FHIT: variants seen among roughly 807,000 people sequenced by gnomAD.
FHIT encodes fragile histidine triad diadenosine triphosphatase.
A neutral mutation model predicts 17.9 loss-of-function variants in FHIT; 19 were observed. The observed-to-expected ratio is 1.06, with a 90% CI of 0.74 to 1.56. FHIT has a LOEUF of 1.56. Among genes scored for constraint, FHIT ranks in the 40% most tolerant of loss-of-function variants. FHIT has a pLI of 0.00. For synonymous variants in FHIT, 81 were observed against 69.7 expected (o/e 1.16, Z -0.81); for missense variants, 248 against 189.2 (o/e 1.31, Z -1.82).
At chr3:60,245,419 G>A (rs915716769) in intron 5 of FHIT, among the ~76,000 whole-genome samples, 2 of 151,668 alleles carry the variant, frequency 1.3e-5, no homozygotes, top group African/African-American at 2.4e-5. Flanking sequence ...TAAACTTCAG[G>A]GTTCAATATT....
intron 4 of FHIT, among the ~76,000 whole-genome samples, chr3:60,815,641 A>G (rs1701715213): frequency 1.3e-5 from 2 of 152,104 alleles, no homozygotes; most frequent in Non-Finnish European, 2.9e-5. Flanking sequence ...GTAGCCTTGT[A>G]GTATAGCTTG....
chr3:59,842,198 T>C (rs1360421071), intron 8 of FHIT, among the ~76,000 whole-genome samples: 1 of 152,206 alleles, frequency 6.6e-6, no homozygotes, highest in Non-Finnish European at 1.5e-5. Context: ...CTTAGCACAA[T>C]GTCCTCCAGA....
chr3:60,953,042 G>A (rs1553777700), intron 3 of FHIT, among the ~76,000 whole-genome samples: 3 of 152,150 alleles, frequency 2.0e-5, no homozygotes, highest in African/African-American at 4.8e-5. Flanking sequence ...CTAAAAGAGT[G>A]TACAATTTTG....
chr3:60,522,111 T>TTG (rs967630668), intron 5 of FHIT, among the ~76,000 whole-genome samples: 10 of 150,488 alleles, frequency 6.6e-5, no homozygotes, highest in East Asian at 2.0e-4. Context: ...CAGAAGTTTT[T>TTG]TTTTTTTTTT....
intron 4 of FHIT, among the ~76,000 whole-genome samples, chr3:60,644,605 C>A (rs2039810062): frequency 6.6e-6 from 1 of 152,164 alleles, no homozygotes; most frequent in Non-Finnish European, 1.5e-5. Flanking sequence ...ACTCTCCTTG[C>A]CCCTCTAAAT....
At chr3:60,967,014 G>A (rs1709779055) in intron 3 of FHIT, among the ~76,000 whole-genome samples, 1 of 152,070 alleles carries the variant, frequency 6.6e-6, no homozygotes, top group Non-Finnish European at 1.5e-5. Flanking sequence ...GTCAGTATGG[G>A]GATGTTTATG....
chr3:60,047,248 A>G lies in FHIT; in HGVS notation c.104-33096T>C, dbSNP rs796263695. Among the ~76,000 whole-genome samples, 3 of 152,342 alleles carry G rather than the reference A, an allele frequency of 2.0e-5. 1 individual carries two copies. Among genetic ancestry groups the G allele is most frequent in the African/African-American group, 7.2e-5 (3 of 41,588 alleles). ...GAAATTAAAGATATGATAGAATGCT[A>G]TCCACATTGTTATAATGCTGGTTCT... is the stretch of plus-strand genomic sequence containing the variant. On this transcript the variant is annotated intron_variant, in intron 5 of 9. Transcript: ENST00000492590.
At chr3:61,143,113 G>A (rs1211254594) in intron 2 of FHIT, among the ~76,000 whole-genome samples, 5 of 151,956 alleles carry the variant, frequency 3.3e-5, no homozygotes, top group Non-Finnish European at 4.4e-5. Context: ...CAAGTTTGAG[G>A]GAAAAGATAC....
intron 6 of FHIT, among the ~76,000 whole-genome samples, chr3:60,013,237 T>C (rs920668468): frequency 5.9e-5 from 9 of 152,192 alleles, no homozygotes; most frequent in Admixed American, 5.2e-4. Flanking sequence ...ATGGCAAACA[T>C]TCAGTTTAAC....
chr3:60,418,347 CA>C (rs1236452472), intron 5 of FHIT, among the ~76,000 whole-genome samples: 1 of 132,626 alleles, frequency 7.5e-6, no homozygotes, highest in Non-Finnish European at 1.6e-5. Flanking sequence ...AATACATATA[CA>C]AACCTATATA....
intron 5 of FHIT, among the ~76,000 whole-genome samples, chr3:60,409,420 G>T (rs995578969): frequency 1.1e-4 from 16 of 152,270 alleles, no homozygotes; most frequent in African/African-American, 3.1e-4. Flanking sequence ...GGCATCATTT[G>T]GTTTACCAGA....
At chr3:60,615,013 A>C (rs988616210) in intron 4 of FHIT, among the ~76,000 whole-genome samples, 1 of 151,918 alleles carries the variant, frequency 6.6e-6, no homozygotes, top group Admixed American at 6.6e-5. Flanking sequence ...TACTATTAGT[A>C]GAGACAGGGT....
intron 8 of FHIT, among the ~76,000 whole-genome samples, chr3:59,890,514 G>T (rs1014885666): frequency 6.6e-6 from 1 of 152,132 alleles, no homozygotes; most frequent in Non-Finnish European, 1.5e-5. Flanking sequence ...TGTTGGGGAA[G>T]TTCTGAAGTT....
intron 8 of FHIT, among the ~76,000 whole-genome samples, chr3:59,877,554 T>A (rs1703219338): frequency 6.6e-6 from 1 of 152,212 alleles, no homozygotes; most frequent in Admixed American, 6.5e-5. Context: ...GCCCTATGGT[T>A]CTTCAGAAAT....
rs192711248 is a variant in FHIT at position 60,047,147 on chromosome 3, A to G, written c.104-32995T>C. On this transcript the variant is annotated intron_variant, in intron 5 of 9. Transcript: ENST00000492590. ...CTGCCGTAATGTTCCACAAAACGTA[A>G]CAGTCGGTGCACAGCAATACTGCCC... 9.8e-5 allele frequency among the ~76,000 whole-genome samples: 15 copies of G among 152,352 alleles called. No homozygotes were observed. In the East Asian group the frequency reaches 2.5e-3, roughly 25 times the overall value.
chr3:61,116,812 A>G (rs2036312532), intron 2 of FHIT, among the ~76,000 whole-genome samples: 1 of 152,176 alleles, frequency 6.6e-6, no homozygotes, highest in Non-Finnish European at 1.5e-5. Flanking sequence ...CTGATGGCTT[A>G]TATTTGGTGA....
chr3:60,178,004 GA>G (rs1408197554), intron 5 of FHIT, among the ~76,000 whole-genome samples: 2 of 152,186 alleles, frequency 1.3e-5, no homozygotes, highest in Admixed American at 6.5e-5. Flanking sequence ...CTAGCTACGG[GA>G]AAGTGAGACA....
chr3:60,452,478 C>T (rs1422802018), intron 5 of FHIT, among the ~76,000 whole-genome samples: 1 of 152,032 alleles, frequency 6.6e-6, no homozygotes, highest in African/African-American at 2.4e-5. Context: ...CCGTTATAGT[C>T]AAAAGACATT....
chr3:60,124,525 G>T (rs920389678), intron 5 of FHIT, among the ~76,000 whole-genome samples: 7 of 152,086 alleles, frequency 4.6e-5, no homozygotes, highest in African/African-American at 1.4e-4. Flanking sequence ...CATCCTGCCT[G>T]CAAAAATGAT....
Sources: gnomAD v4.1 joint callset for allele counts (sites outside exome capture counted in the v4.1 genomes callset) on GRCh38, gnomAD v4.1.1 for gene constraint, MANE v1.5 for transcripts, NCBI Gene and HGNC (gene_info 2026-07-23, HGNC 2026-07-21) for gene names.